Variants in ELFN2 observed in about 807,000 individuals in gnomAD.
ELFN2 encodes the protein protein phosphatase 1 regulatory subunit 29.
ELFN2 carries 17 observed loss-of-function variants against 45.5 expected under a neutral mutation model. The ratio of observed to expected loss-of-function variants is 0.37; its 90% CI spans 0.26 to 0.56. The LOEUF is 0.56. ELFN2 is among the 20% of genes least tolerant of loss of function. The pLI, the probability that ELFN2 is intolerant of heterozygous loss-of-function variation, is 0.77. For missense variants in ELFN2, 922 were observed against 1,183.2 expected (o/e 0.78, Z 3.24); for synonymous variants, 550 against 551.5 (o/e 1.00, Z 0.04).
At chr22:37,425,113 C>T (rs886113012) in intron 1 of ELFN2, among the ~76,000 whole-genome samples, 27 of 152,214 alleles carry the variant, frequency 1.8e-4, no homozygotes, top group African/African-American at 6.3e-4. Context: ...CGCTCCCTGG[C>T]TATGGCCATT....
intron 2 of ELFN2, among the ~76,000 whole-genome samples, chr22:37,412,285 A>G: frequency 6.7e-6 from 1 of 149,590 alleles, no homozygotes. Flanking sequence ...CTCAAAAAAA[A>G]AAAAAAAAAA....
intron 2 of ELFN2, among the ~76,000 whole-genome samples, chr22:37,386,343 G>A (rs1195447303): frequency 2.0e-5 from 3 of 152,054 alleles, no homozygotes; most frequent in East Asian, 3.9e-4. Context: ...GCTCACCTAG[G>A]ACTGGGACAC....
chr22:37,352,776 C>T (rs1383545134), intron 1 of ELFN2, among the ~76,000 whole-genome samples: 1 of 150,830 alleles, frequency 6.6e-6, no homozygotes, highest in Non-Finnish European at 1.5e-5. Flanking sequence ...CCTGGATGGG[C>T]ACTCCTGGAA....
Position 37,375,687 on chromosome 22 carries a change from C to T in ELFN2, c.-153G>A. 1.1e-6 allele frequency: 1 copy of T among 871,090 alleles called. No homozygotes were observed. The highest frequency in any genetic ancestry group is 1.7e-6 in the Non-Finnish European group (1 of 574,014). 54.0% of individuals were successfully genotyped at this position (871,090 alleles called of 1,614,324 possible). On this transcript the variant is annotated 5_prime_UTR_variant, in exon 3 of 3. Coordinates refer to ENST00000402918, the MANE Select transcript of ELFN2 (RefSeq NM_052906.5). ...CAGGCAAGGTGGGTACAGCTAGTGCCAACTGCTGGGGATCTTCTAGGGTGC... is the reference window on the plus strand; with the variant it reads ...CAGGCAAGGTGGGTACAGCTAGTGCTAACTGCTGGGGATCTTCTAGGGTGC...
intron 1 of ELFN2, among the ~76,000 whole-genome samples, chr22:37,420,043 A>AAGCCGGGCC (rs1932797250): frequency 6.6e-6 from 1 of 152,166 alleles, no homozygotes; most frequent in African/African-American, 2.4e-5. Context: ...GTAAGGAGGA[A>AAGCCGGGCC]AGCCGGGCCA....
chr22:37,417,538 G>A lies in ELFN2; in HGVS notation c.-463+231C>T, dbSNP rs1270526565. Among the ~76,000 whole-genome samples, 1 of 152,196 alleles carries A rather than the reference G, an allele frequency of 6.6e-6. No individual in the cohort carries two copies. The highest frequency in any genetic ancestry group is 2.4e-5 in the African/African-American group (1 of 41,460). On this transcript the variant is annotated intron_variant, in intron 2 of 2. Coordinates refer to ENST00000402918, the MANE Select transcript of ELFN2 (RefSeq NM_052906.5). This position sits in a 1 kb window ranked among gnomAD's most constrained non-coding sequence, Gnocchi z 4.5. ...GGGCTTCCTGCCCACCCTCCCCAGT[G>A]GGCTTGTCTTAGCCCCCAACAGGCC...
rs1271014621 is a variant in ELFN2, at chr22:37,348,091, C to T, written n.149-5388G>A. On this transcript the variant is annotated intron_variant and non_coding_transcript_variant, in intron 1 of 2. Coordinates refer to ENST00000452946, the Ensembl canonical transcript of ELFN2. Reference sequence around the variant, plus strand: ...AGCCTTCTCCTCTTCTGGCTGTCCTCAACCTCAGGGGCCCAATTGGGATGC... The same window carrying T: ...AGCCTTCTCCTCTTCTGGCTGTCCTTAACCTCAGGGGCCCAATTGGGATGC... Among the ~76,000 whole-genome samples, 5 of 152,360 alleles carry T rather than the reference C, an allele frequency of 3.3e-5. No individual in the cohort carries two copies. The Middle Eastern group carries it at 0.017, about 518-fold the overall frequency.
At chr22:37,381,653 C>T (rs1240858212) in intron 2 of ELFN2, among the ~76,000 whole-genome samples, 5 of 152,090 alleles carry the variant, frequency 3.3e-5, no homozygotes, top group East Asian at 1.9e-4. Context: ...TCTTCATCAT[C>T]GCCCTGCCTT....
At chr22:37,355,786 C>T (rs992273029) in intron 1 of ELFN2, among the ~76,000 whole-genome samples, 5 of 152,188 alleles carry the variant, frequency 3.3e-5, no homozygotes, top group Admixed American at 6.5e-5. Flanking sequence ...CTTTGTGCTC[C>T]GCAGAGTGCA....
intron 2 of ELFN2, among the ~76,000 whole-genome samples, chr22:37,400,540 T>C (rs1037331154): frequency 2.0e-5 from 3 of 152,154 alleles, no homozygotes; most frequent in African/African-American, 7.2e-5. Context: ...CTTAAACCTC[T>C]TCGCTGTCAC....
intron 2 of ELFN2, among the ~76,000 whole-genome samples, chr22:37,405,438 C>G (rs897225065): frequency 3.3e-5 from 5 of 151,976 alleles, no homozygotes; most frequent in African/African-American, 1.2e-4. Flanking sequence ...AAGGTATCAA[C>G]CCCATGGCTC....
chr22:37,357,626 G>A (rs1258969171), intron 1 of ELFN2, among the ~76,000 whole-genome samples: 1 of 152,180 alleles, frequency 6.6e-6, no homozygotes, highest in African/African-American at 2.4e-5. Flanking sequence ...ACAGGGATGG[G>A]CCCAGCTCAA....
Position 37,373,998 on chromosome 22 carries a change from C to G in ELFN2, c.1537G>C (p.Gly513Arg), listed in dbSNP as rs770420117. ...AGGTCATCCTCGGGCCGAGCCAGAC[C>G]GTCCCCGCCGGCGCCTGTGCGCACC... ...IEVRTGAGGD[G>R]LARPEDDLPD... The change falls in exon 3 of 3, where the codon GGT (glycine) becomes CGT (arginine). Residue 513 changes from glycine (G) to arginine (R), a missense_variant. This residue lies in a region of ELFN2 where 564 missense variants were observed against 642.8 expected (regional missense o/e 0.88). Transcript: ENST00000402918. 3 of 1,612,932 alleles carry G rather than the reference C, an allele frequency of 1.9e-6. No individual in the cohort carries two copies. Among genetic ancestry groups the G allele is most frequent in the African/African-American group, 1.3e-5 (1 of 74,934 alleles).
At chr22:37,427,196 C>T (rs911619399) in intron 1 of ELFN2, 102 bp downstream of exon 1, 1 of 152,224 alleles carries the variant, frequency 6.6e-6, no homozygotes, top group Non-Finnish European at 1.5e-5. Context: ...CTCCAAGCCC[C>T]ACCCCCACTG....
At chr22:37,349,451 GC>G (rs1169428897) in intron 1 of ELFN2, among the ~76,000 whole-genome samples, 2 of 151,190 alleles carry the variant, frequency 1.3e-5, no homozygotes, top group African/African-American at 4.8e-5. Context: ...TTCCTGAGAG[GC>G]CCCCCAGGGG....
At chr22:37,414,756 C>T (rs892706642) in intron 2 of ELFN2, among the ~76,000 whole-genome samples, 46 of 152,298 alleles carry the variant, frequency 3.0e-4, no homozygotes, top group Admixed American at 2.7e-3. Flanking sequence ...CAGCCTTGGG[C>T]GGTCTCACTT....
At chr22:37,356,158 C>T (rs556912597) in intron 1 of ELFN2, among the ~76,000 whole-genome samples, 122 of 152,180 alleles carry the variant, frequency 8.0e-4, no homozygotes, top group Non-Finnish European at 1.5e-3. Flanking sequence ...CAGGAGGGGG[C>T]GGTCAACTTC....
intron 2 of ELFN2, among the ~76,000 whole-genome samples, chr22:37,406,532 C>T (rs1408574075): frequency 6.6e-6 from 1 of 152,118 alleles, no homozygotes; most frequent in Non-Finnish European, 1.5e-5. Context: ...GCCCCTGCAG[C>T]AAGCACACAG....
intron 2 of ELFN2, among the ~76,000 whole-genome samples, chr22:37,399,425 AC>A (rs956369105): frequency 1.3e-5 from 2 of 151,816 alleles, no homozygotes; most frequent in African/African-American, 4.8e-5. Flanking sequence ...CTCCTGTGCC[AC>A]CCCTGAGTGC....
Sources: allele counts gnomAD v4.1 joint callset (sites outside exome capture counted in the v4.1 genomes callset), GRCh38; gene constraint gnomAD v4.1.1; regional missense constraint gnomAD v4.1.1; non-coding constraint Gnocchi (gnomAD v3.1); transcripts MANE v1.5; gene names NCBI Gene and HGNC (gene_info 2026-07-23, HGNC 2026-07-21).